Variants in XPO6 observed in about 807,000 individuals in gnomAD.
XPO6 encodes exportin 6, also known as exportin-6.
Under a neutral mutation model 130.0 loss-of-function variants are expected in XPO6, and 3 were observed. The observed-to-expected ratio is 0.02, with a 90% CI of 0.01 to 0.06. The LOEUF is 0.06. Among genes scored for constraint, XPO6 ranks in the 10% least tolerant of loss-of-function variants. XPO6 has a pLI of 1.00. For missense variants in XPO6, 970 were observed against 1,393.0 expected (o/e 0.70, Z 4.83); for synonymous variants, 524 against 548.9 (o/e 0.95, Z 0.63).
intron 1 of XPO6, among the ~76,000 whole-genome samples, chr16:28,197,208 C>T (rs564138923): frequency 1.3e-4 from 20 of 152,060 alleles, no homozygotes; most frequent in South Asian, 2.1e-4. Context: ...GCTGAGATCA[C>T]GCCACTGCAC....
At chr16:28,134,578 T>C (rs1043312714) in intron 10 of XPO6, among the ~76,000 whole-genome samples, 11 of 152,172 alleles carry the variant, frequency 7.2e-5, no homozygotes, top group African/African-American at 2.7e-4. Flanking sequence ...AGCAAAGGGC[T>C]CTCTGTAACC....
chr16:28,113,204 CAAGAG>C (rs2086973185), intron 15 of XPO6, among the ~76,000 whole-genome samples, 154 bp from the exon 16 acceptor site: 1 of 152,186 alleles, frequency 6.6e-6, no homozygotes. Flanking sequence ...ATGATGACTA[CAAGAG>C]AAGCCCATCT....
At chr16:28,150,739 C>G (rs888162499) in intron 8 of XPO6, among the ~76,000 whole-genome samples, 1 of 152,178 alleles carries the variant, frequency 6.6e-6, no homozygotes, top group African/African-American at 2.4e-5. Flanking sequence ...ACTGGCTCCT[C>G]AGCTCCCTCA....
intron 12 of XPO6, among the ~76,000 whole-genome samples, chr16:28,128,676 C>T (rs2042608337): frequency 1.3e-5 from 2 of 152,292 alleles, no homozygotes; most frequent in African/African-American, 4.8e-5. Flanking sequence ...TCCCCTCTGC[C>T]CAGCACTTCC....
chr16:28,203,668 C>T (rs1465356833), intron 1 of XPO6, among the ~76,000 whole-genome samples: 1 of 152,180 alleles, frequency 6.6e-6, no homozygotes, highest in Admixed American at 6.5e-5. Context: ...AAACTTTCTA[C>T]TACTCTCAAT....
intron 21 of XPO6, among the ~76,000 whole-genome samples, 162 bp downstream of exon 21, chr16:28,104,384 T>C (rs1056199213): frequency 7.2e-5 from 11 of 152,218 alleles, no homozygotes; most frequent in Non-Finnish European, 1.6e-4. Context: ...AGCTCCACTT[T>C]GCAGATGAAG....
chr16:28,173,079 T>G (rs1208254684), intron 4 of XPO6: 1 of 152,224 alleles, frequency 6.6e-6, no homozygotes, highest in Non-Finnish European at 1.5e-5. Flanking sequence ...TATTAGGTAT[T>G]AGAAGTAATC....
At chr16:28,199,127 T>C (rs967410307) in intron 1 of XPO6, among the ~76,000 whole-genome samples, 1 of 151,822 alleles carries the variant, frequency 6.6e-6, no homozygotes, top group Non-Finnish European at 1.5e-5. Context: ...GCAACAAGAG[T>C]GAAACTCCGT....
chr16:28,203,583 T>G (rs546621703), intron 1 of XPO6, among the ~76,000 whole-genome samples: 1 of 152,294 alleles, frequency 6.6e-6, no homozygotes, highest in East Asian at 1.9e-4. Flanking sequence ...ACATGGCCCA[T>G]CTCCTGTCAT....
At chr16:28,201,107 C>CA (rs2043946974) in intron 1 of XPO6, among the ~76,000 whole-genome samples, 1 of 152,094 alleles carries the variant, frequency 6.6e-6, no homozygotes. Flanking sequence ...TTGGGGCTCC[C>CA]CAGTAAGCAC....
At chr16:28,187,782 G>GAA (rs1567645073) in intron 1 of XPO6, among the ~76,000 whole-genome samples, 6 of 150,580 alleles carry the variant, frequency 4.0e-5, no homozygotes, top group African/African-American at 1.5e-4. Flanking sequence ...GAAAACTGTT[G>GAA]GTATCACTTT....
At chr16:28,163,001 G>A (rs1003424245) in intron 6 of XPO6, among the ~76,000 whole-genome samples, 3 of 152,110 alleles carry the variant, frequency 2.0e-5, no homozygotes, top group Admixed American at 1.3e-4. Flanking sequence ...GCTGTGTACC[G>A]CGGGGTGTTT....
chr16:28,201,558 T>A (rs1204260225), intron 1 of XPO6, among the ~76,000 whole-genome samples: 1 of 152,158 alleles, frequency 6.6e-6, no homozygotes, highest in Non-Finnish European at 1.5e-5. Flanking sequence ...TGACACTCAC[T>A]GTAAGAATGT....
intron 6 of XPO6, among the ~76,000 whole-genome samples, chr16:28,164,464 T>C (rs757190532): frequency 6.6e-6 from 1 of 152,146 alleles, no homozygotes; most frequent in Non-Finnish European, 1.5e-5. Context: ...CTGTAACAAA[T>C]GAACATGCAA....
chr16:28,162,748 G>C (rs1351803778), intron 6 of XPO6, among the ~76,000 whole-genome samples: 1 of 151,450 alleles, frequency 6.6e-6, no homozygotes, highest in East Asian at 1.9e-4. Flanking sequence ...TAGAGATGGG[G>C]TCTCACTATG....
intron 4 of XPO6, among the ~76,000 whole-genome samples, chr16:28,172,567 G>C (rs530231766): frequency 6.6e-6 from 1 of 152,188 alleles, no homozygotes; most frequent in East Asian, 1.9e-4. Context: ...CAGGTGGGAA[G>C]GAAAGCGGTC....
intron 1 of XPO6, among the ~76,000 whole-genome samples, chr16:28,200,517 T>C (rs924908714): frequency 6.6e-6 from 1 of 151,752 alleles, no homozygotes; most frequent in Non-Finnish European, 1.5e-5. Context: ...GAGTTTCGTC[T>C]GTCACCCAGG....
intron 21 of XPO6, 144 bp from the exon 22 acceptor site, chr16:28,102,089 CCT>C: frequency 1.6e-6 from 1 of 618,742 alleles, no homozygotes; most frequent in Non-Finnish European, 2.8e-6. Context: ...CTACGACGCT[CCT>C]CCTAAGTCTC....
At chr16:28,186,371 A>ATTTTTTTTTTTTTTTTTTT (rs1237138991) in intron 1 of XPO6, among the ~76,000 whole-genome samples, 17 of 10,112 alleles carry the variant, frequency 1.7e-3, no homozygotes, top group Non-Finnish European at 2.2e-3. Flanking sequence ...TGCCCCAGTT[A>ATTTTTTTTTTTTTTTTTTT]TTCTTTTTTT....
Sources: allele counts gnomAD v4.1 joint callset (sites outside exome capture counted in the v4.1 genomes callset), GRCh38; gene constraint gnomAD v4.1.1; transcripts MANE v1.5; gene names NCBI Gene and HGNC (gene_info 2026-07-23, HGNC 2026-07-21).